The following ACP7 variants were observed in gnomAD, a reference collection of about 807,000 sequenced individuals.
The protein encoded by ACP7 is acid phosphatase type 7.
A neutral mutation model predicts 60.6 loss-of-function variants in ACP7; 58 were observed. The ratio of observed to expected loss-of-function variants is 0.96; its 90% CI spans 0.77 to 1.19. The LOEUF (loss-of-function observed/expected upper bound fraction) is 1.19. Ranked by LOEUF, ACP7 falls within the 50% of genes most tolerant of loss-of-function variation. The pLI, the probability that ACP7 is intolerant of heterozygous loss-of-function variation, is 0.00. For synonymous variants in ACP7, 237 were observed against 232.6 expected (o/e 1.02, Z -0.17); for missense variants, 574 against 596.2 (o/e 0.96, Z 0.39).
At position 39,100,314 on chromosome 19, in the gene ACP7, C is replaced by T. The variant is rs561641739; in HGVS notation, c.593C>T (p.Pro198Leu). 4.3e-6 allele frequency: 7 copies of T among 1,614,050 alleles called. No homozygotes were observed. In the South Asian group the frequency reaches 6.6e-5, roughly 15 times the overall value. The change falls in exon 5 of 13, where the codon CCG becomes CTG. Residue 198 changes from proline (P) to leucine (L), a missense_variant. By Grantham distance (98) the Pro-to-Leu change is moderately conservative (BLOSUM62 -3). Transcript: ENST00000331256. The part of the protein sequence containing the change: ...RLIEPVAASL[P>L]YMTCPGNHEE... ...ATTGAACCCGTGGCTGCCAGCCTGC[C>T]GTACATGACATGCCCTGGGAATCAT...
Position 39,107,057 on chromosome 19 carries a change from C to T in ACP7, c.1224C>T (p.Ile408=). 6 of 1,614,026 alleles carry T rather than the reference C, an allele frequency of 3.7e-6. No homozygotes were observed. Among genetic ancestry groups the T allele is most frequent in the Non-Finnish European group, 5.1e-6 (6 of 1,179,988 alleles). ...TRLHILNGTH[I]HIQQVSDDQD... ...TGCACATCCTCAACGGGACCCACAT[C>T]CACATCCAGCAGGTGTCGGACGACC... Residue 408 remains isoleucine (I), a synonymous_variant, in exon 12 of 13, where the codon ATC becomes ATT. Coordinates refer to ENST00000331256, the MANE Select transcript of ACP7 (RefSeq NM_001004318.3).
chr19:39,088,615 T>G (rs111264080), intron 2 of ACP7, among the ~76,000 whole-genome samples: 4 of 152,336 alleles, frequency 2.6e-5, no homozygotes, highest in African/African-American at 9.6e-5. Flanking sequence ...GTACCATTGC[T>G]ACTCCCATTT....
At chr19:39,092,786 T>C (rs1222788932) in intron 2 of ACP7, among the ~76,000 whole-genome samples, 17 of 138,986 alleles carry the variant, frequency 1.2e-4, no homozygotes, top group African/African-American at 3.8e-4. Context: ...TTTTTTTTTT[T>C]TTTTTTTTTG....
chr19:39,100,922 C>A, intron 7 of ACP7, 27 bp from the exon 8 acceptor site: 1 of 1,608,646 alleles, frequency 6.2e-7, no homozygotes, highest in Non-Finnish European at 8.5e-7. Flanking sequence ...TGACTCCTAG[C>A]CCCTCACCCT....
At chr19:39,089,841 C>T (rs1367287808) in intron 2 of ACP7, among the ~76,000 whole-genome samples, 2 of 152,238 alleles carry the variant, frequency 1.3e-5, no homozygotes, top group East Asian at 1.9e-4. Flanking sequence ...GCGCATGATA[C>T]GAAGAATCAA....
rs778976163 is a variant in ACP7, at chr19:39,100,611, A to C, written c.661A>C (p.Met221Leu). 1 of 1,614,008 alleles carries C rather than the reference A, an allele frequency of 6.2e-7. No homozygotes were observed. Among genetic ancestry groups the C allele is most frequent in the East Asian group, 2.2e-5 (1 of 44,860 alleles). ...CTCTAACTACAAGGCTCGCTTCAGC[A>C]TGCCGGGGGATAATGAGGGCCTGTG... is the stretch of plus-strand genomic sequence containing the variant. The part of the protein sequence containing the change: ...NFSNYKARFS[M>L]PGDNEGLWYS... The change falls in exon 6 of 13, where the codon ATG (methionine) becomes CTG (leucine). Residue 221 changes from methionine to leucine, a missense_variant. By Grantham distance (15) the Met-to-Leu change is conservative (BLOSUM62 2). Coordinates refer to ENST00000331256, the MANE Select transcript of ACP7 (RefSeq NM_001004318.3).
chr19:39,098,874 C>T, intron 3 of ACP7, 86 bp from the exon 4 acceptor site: 1 of 1,407,524 alleles, frequency 7.1e-7, no homozygotes, highest in East Asian at 2.4e-5. Flanking sequence ...CCCATCTCCT[C>T]CCCTCCACCA....
Position 39,098,451 on chromosome 19 carries a change from T to A in ACP7, c.122-7T>A, listed in dbSNP as rs1228187445. The stretch of plus-strand genomic sequence containing the variant: ...TCCCGGTCTACCCTCTGTCCCTTTC[T>A]CCCCAGGTGAGCCAGGCTCCATGAC... On this transcript the variant is annotated splice_region_variant and splice_polypyrimidine_tract_variant and intron_variant, in intron 2 of 12. Coordinates refer to ENST00000331256, the MANE Select transcript of ACP7 (RefSeq NM_001004318.3). 4.0e-6 allele frequency: 6 copies of A among 1,516,704 alleles called. No homozygotes were observed. Among genetic ancestry groups the A allele is most frequent in the Non-Finnish European group, 5.3e-6 (6 of 1,129,846 alleles). The allele number at this position is 1,516,704 out of a possible 1,614,324, so 94.0% of individuals were successfully genotyped here.
intron 2 of ACP7, among the ~76,000 whole-genome samples, chr19:39,090,018 A>G (rs1445119388): frequency 1.3e-5 from 2 of 152,148 alleles, no homozygotes; most frequent in Non-Finnish European, 2.9e-5. Context: ...ATTTCTCCTC[A>G]ATGTTTGCTC....
rs1414493158 is a variant in ACP7, at chr19:39,101,372, G to A, written c.1041+17G>A. 1.9e-6 allele frequency: 3 copies of A among 1,614,182 alleles called. No individual in the cohort carries two copies. The highest frequency in any genetic ancestry group is 2.2e-5 in the East Asian group (1 of 44,878). On this transcript the variant is annotated intron_variant, in intron 10 of 12. Transcript: ENST00000331256. Reference sequence around the variant, plus strand: ...AACTACCAGGTGAGGCACGTGAAGGGCTGAGCGCCCACACAGCTGGGGTCA... The same window carrying A: ...AACTACCAGGTGAGGCACGTGAAGGACTGAGCGCCCACACAGCTGGGGTCA...
intron 11 of ACP7, among the ~76,000 whole-genome samples, chr19:39,105,251 G>C (rs941524579): frequency 2.6e-5 from 4 of 151,686 alleles, no homozygotes; most frequent in African/African-American, 9.7e-5. Context: ...TCCTGACCTC[G>C]TGATCTGCCC....
intron 2 of ACP7, among the ~76,000 whole-genome samples, chr19:39,085,887 T>C (rs1231016115): frequency 6.6e-6 from 1 of 152,204 alleles, no homozygotes; most frequent in Non-Finnish European, 1.5e-5. Flanking sequence ...CCACGTGGGT[T>C]AGAATCCCAG....
At chr19:39,085,794 G>C (rs780401992) in intron 2 of ACP7, among the ~76,000 whole-genome samples, 3 of 152,140 alleles carry the variant, frequency 2.0e-5, no homozygotes, top group African/African-American at 4.8e-5. Context: ...TCTTCCCCAC[G>C]AGGCTGACTG....
intron 2 of ACP7, among the ~76,000 whole-genome samples, chr19:39,085,794 G>A (rs780401992): frequency 8.5e-5 from 13 of 152,140 alleles, no homozygotes; most frequent in South Asian, 8.3e-4. Context: ...TCTTCCCCAC[G>A]AGGCTGACTG....
intron 11 of ACP7, among the ~76,000 whole-genome samples, chr19:39,102,765 TTC>T (rs149280504): frequency 0.021 from 2,248 of 107,240 alleles, 41 homozygotes; most frequent in African/African-American, 0.044. Flanking sequence ...CTTTCTTTCT[TTC>T]TCTCTCTCTC....
At chr19:39,092,393 T>C (rs994298840) in intron 2 of ACP7, among the ~76,000 whole-genome samples, 1 of 142,498 alleles carries the variant, frequency 7.0e-6, no homozygotes, top group African/African-American at 2.7e-5. Context: ...TATATATATA[T>C]AGCAGTTGCA....
intron 4 of ACP7, among the ~76,000 whole-genome samples, chr19:39,099,576 T>C (rs1173966898): frequency 4.6e-5 from 7 of 152,002 alleles, no homozygotes; most frequent in Admixed American, 4.6e-4. Context: ...GGATTGGGGA[T>C]TGTGTGCTTC....
At chr19:39,096,348 C>G (rs1178272942) in intron 2 of ACP7, among the ~76,000 whole-genome samples, 1 of 152,138 alleles carries the variant, frequency 6.6e-6, no homozygotes, top group Admixed American at 6.5e-5. Flanking sequence ...CCAATAATCT[C>G]CAGGGCAGGG....
intron 11 of ACP7, among the ~76,000 whole-genome samples, chr19:39,104,621 C>T (rs987960283): frequency 2.6e-5 from 4 of 152,154 alleles, no homozygotes; most frequent in Admixed American, 2.0e-4. Flanking sequence ...CGGTGGCTTA[C>T]GCCTGTAATC....
Sources: gnomAD v4.1 joint callset for allele counts (sites outside exome capture counted in the v4.1 genomes callset) on GRCh38, gnomAD v4.1.1 for gene constraint, MANE v1.5 for transcripts, NCBI Gene and HGNC (gene_info 2026-07-23, HGNC 2026-07-21) for gene names.